Variants in VPS45 observed in about 807,000 individuals in gnomAD.
VPS45 encodes vacuolar protein sorting 45 homolog.
A neutral mutation model predicts 75.9 loss-of-function variants in VPS45; 35 were observed. The observed-to-expected ratio is 0.46, with a 90% CI of 0.35 to 0.61. The LOEUF is 0.61. VPS45 is among the 20% of genes least tolerant of loss of function. The pLI, the probability that VPS45 is intolerant of heterozygous loss-of-function variation, is 0.00. For synonymous variants in VPS45, 220 were observed against 238.2 expected (o/e 0.92, Z 0.70); for missense variants, 559 against 685.9 (o/e 0.81, Z 2.07).
rs1655380604 is a variant in VPS45, at chr1:150,076,288, A to G, written c.345A>G (p.Glu115=). The G allele has an allele frequency of 1.2e-5, 19 of 1,608,332 alleles. No homozygotes were observed. The highest frequency in any genetic ancestry group is 1.6e-5 in the Non-Finnish European group (19 of 1,177,100). The part of the protein sequence containing the change: ...SDVKSLAEAD[E]QEVVAEVQEF... ...TGAAGTCATTGGCTGAAGCTGATGA[A>G]CAGGAAGTTGTGGCTGAGGTTCAGG... The change falls in exon 4 of 15, where the codon GAA becomes GAG. Residue 115 remains glutamate (E), a synonymous_variant. Coordinates refer to ENST00000644510, the MANE Select transcript of VPS45 (RefSeq NM_007259.5).
chr1:150,081,490 A>AT lies in VPS45; in HGVS notation c.822+21dup, dbSNP rs782530379. The AT allele has an allele frequency of 1.9e-6, 3 of 1,592,532 alleles. No individual in the cohort carries two copies. Among genetic ancestry groups the AT allele is most frequent in the East Asian group, 2.3e-5 (1 of 44,222 alleles). ...TTCTATGCTAATGTAGGTGGTTTAA[A>AT]TTTTTTTAAATTGTCTTTAGTTGTT... is the stretch of plus-strand genomic sequence containing the variant. On this transcript the variant is annotated intron_variant, in intron 8 of 14. Transcript: ENST00000644510.
At chr1:150,106,706 A>G (rs782468404) in intron 13 of VPS45, among the ~76,000 whole-genome samples, 33 of 152,028 alleles carry the variant, frequency 2.2e-4, no homozygotes, top group Non-Finnish European at 1.8e-4. Flanking sequence ...CACAGGCTAT[A>G]ATCATACTCA....
intron 14 of VPS45, among the ~76,000 whole-genome samples, chr1:150,123,346 G>A (rs1553810067): frequency 6.6e-6 from 1 of 152,124 alleles, no homozygotes; most frequent in Non-Finnish European, 1.5e-5. Flanking sequence ...ACAAGTTTTT[G>A]TGTGCGTTAA....
At chr1:150,102,404 C>T (rs1468226267) in intron 13 of VPS45, among the ~76,000 whole-genome samples, 2 of 152,064 alleles carry the variant, frequency 1.3e-5, no homozygotes, top group East Asian at 1.9e-4. Flanking sequence ...ACAAAATTAG[C>T]GGAGCATGTT....
chr1:150,134,673 T>G (rs56369603), intron 14 of VPS45, among the ~76,000 whole-genome samples: 16,108 of 152,238 alleles, frequency 0.11, 1,197 homozygotes, highest in Non-Finnish European at 0.17. Flanking sequence ...GTATCATACT[T>G]TTTTCATTAA....
intron 14 of VPS45, among the ~76,000 whole-genome samples, chr1:150,111,983 C>T (rs587697731): frequency 3.7e-4 from 56 of 152,222 alleles, no homozygotes; most frequent in African/African-American, 1.1e-3. Context: ...CAAATATTTA[C>T]TGGATAAGAT....
chr1:150,136,383 G>T (rs781795381), intron 14 of VPS45, among the ~76,000 whole-genome samples: 2 of 151,448 alleles, frequency 1.3e-5, no homozygotes, highest in Non-Finnish European at 2.9e-5. Context: ...GTGAAACCCC[G>T]TCTCTACTAA....
chr1:150,112,828 A>G (rs1657718521), intron 14 of VPS45, among the ~76,000 whole-genome samples: 1 of 152,094 alleles, frequency 6.6e-6, no homozygotes, highest in Admixed American at 6.5e-5. Context: ...AGTTCACACA[A>G]CTCAGGAAAC....
At chr1:150,109,324 C>T (rs952634802) in intron 13 of VPS45, 3 of 152,104 alleles carry the variant, frequency 2.0e-5, no homozygotes, top group Non-Finnish European at 4.4e-5. Context: ...TCATCCCCAC[C>T]CTTGTATAAA....
intron 2 of VPS45, among the ~76,000 whole-genome samples, chr1:150,070,406 T>TA (rs2101487630): frequency 6.6e-6 from 1 of 152,322 alleles, no homozygotes; most frequent in African/African-American, 2.4e-5. Context: ...GTTCAAGAGA[T>TA]ATGTTAGAGA....
Position 150,110,545 on chromosome 1 carries a change from G to C in VPS45, c.1543G>C (p.Ala515Pro). The change falls in exon 14 of 15, where the codon GCT becomes CCT. Residue 515 changes from alanine (A) to proline (P), a missense_variant. By Grantham distance (27) the Ala-to-Pro change is conservative. Coordinates refer to ENST00000644510, the MANE Select transcript of VPS45 (RefSeq NM_007259.5). ...FVIGGATYEE[A>P]LTVYNLNRTT... ...AATTGGAGGAGCCACCTATGAAGAGGCTCTAACAGTTTATAACCTGAACCG... is the reference window on the plus strand; with the variant it reads ...AATTGGAGGAGCCACCTATGAAGAGCCTCTAACAGTTTATAACCTGAACCG... 6.2e-7 allele frequency: 1 copy of C among 1,613,842 alleles called. No homozygotes were observed. Among genetic ancestry groups the C allele is most frequent in the Non-Finnish European group, 8.5e-7 (1 of 1,179,872 alleles).
At chr1:150,100,595 A>G (rs1656926145) in intron 13 of VPS45, among the ~76,000 whole-genome samples, 1 of 152,270 alleles carries the variant, frequency 6.6e-6, no homozygotes. Context: ...CTACAAGGCT[A>G]CAGTGACCAA....
At chr1:150,139,351 T>A (rs1659264866) in intron 14 of VPS45, among the ~76,000 whole-genome samples, 1 of 152,206 alleles carries the variant, frequency 6.6e-6, no homozygotes, top group South Asian at 2.1e-4. Context: ...TTTCTGTTCC[T>A]TAAACATACA....
intron 14 of VPS45, among the ~76,000 whole-genome samples, chr1:150,123,543 G>T (rs782506524): frequency 1.3e-5 from 2 of 152,188 alleles, no homozygotes; most frequent in African/African-American, 2.4e-5. Context: ...CATTATTGTA[G>T]TTGGTTTTCT....
intron 14 of VPS45, among the ~76,000 whole-genome samples, chr1:150,139,531 G>C (rs1405702939): frequency 1.3e-5 from 2 of 151,510 alleles, no homozygotes; most frequent in Admixed American, 6.6e-5. Context: ...TTCAAGAAAA[G>C]CTATTACCTA....
chr1:150,133,614 T>G (rs149910401), intron 14 of VPS45, among the ~76,000 whole-genome samples: 58 of 152,294 alleles, frequency 3.8e-4, no homozygotes, highest in Non-Finnish European at 8.1e-4. Context: ...AGCTGGGCTA[T>G]TTGGGGCTTC....
chr1:150,119,319 T>C (rs1658106771), intron 14 of VPS45, among the ~76,000 whole-genome samples: 1 of 152,236 alleles, frequency 6.6e-6, no homozygotes, highest in Non-Finnish European at 1.5e-5. Flanking sequence ...ATAGTAGGGC[T>C]GCAGTGAACT....
Position 150,076,182 on chromosome 1 carries a change from A to G in VPS45, c.290-51A>G, listed in dbSNP as rs781985210. On this transcript the variant is annotated intron_variant, in intron 3 of 14. Transcript: ENST00000644510. ...TTAACTATCAGGCCCTTTTACATAT[A>G]TTGCAGCAGAAATTATCTCCTTTGA... 3.4e-6 allele frequency: 5 copies of G among 1,466,750 alleles called. No homozygotes were observed. The African/African-American group carries it at 7.1e-5, about 21-fold the overall frequency. 90.9% of individuals were successfully genotyped at this position (1,466,750 alleles called of 1,614,324 possible).
intron 14 of VPS45, among the ~76,000 whole-genome samples, chr1:150,141,556 G>A (rs1469192984): frequency 6.6e-6 from 1 of 152,180 alleles, no homozygotes; most frequent in Admixed American, 6.5e-5. Context: ...GCTTTTCAGT[G>A]TGTGACTCAA....
Sources: gnomAD v4.1 joint callset for allele counts (sites outside exome capture counted in the v4.1 genomes callset) on GRCh38, gnomAD v4.1.1 for gene constraint, MANE v1.5 for transcripts, NCBI Gene and HGNC (gene_info 2026-07-23, HGNC 2026-07-21) for gene names.